Variants in ARHGEF37 observed in about 807,000 individuals in gnomAD.
ARHGEF37 encodes the protein Rho guanine nucleotide exchange factor (GEF) 37.
Under a neutral mutation model 71.1 loss-of-function variants are expected in ARHGEF37, and 55 were observed. The observed-to-expected ratio is 0.77, with a 90% confidence interval of 0.62 to 0.97. The LOEUF (loss-of-function observed/expected upper bound fraction) is 0.97. ARHGEF37 is among the 50% of genes least tolerant of loss of function. The probability of loss-of-function intolerance (pLI) is 0.00; values close to 1 mark genes in which losing one functional copy is unlikely to be tolerated. For synonymous variants in ARHGEF37, 327 were observed against 350.6 expected, an observed-to-expected ratio of 0.93 and a Z score of 0.75; for missense variants, 765 against 836.8, an observed-to-expected ratio of 0.91 and a Z score of 1.06.
chr5:149,585,319 T>A (rs1254978996), intron 1 of ARHGEF37, among the ~76,000 whole-genome samples: 3 of 152,206 alleles, frequency 2.0e-5, no homozygotes, highest in Non-Finnish European at 4.4e-5. Flanking sequence ...TCCAGCTTTA[T>A]TGTAATAGTG....
rs778497862 is a variant in ARHGEF37, at chr5:149,618,193, G to A, written c.676G>A (p.Val226Ile). ...CGTTGCAGCCTCCAAGTACACCAAG[G>A]TAGAGCAGCTGACCCTCCGGGAGCG... ...RKEVASKYTK[V>I]EQLTLRERLA... Residue 226 changes from valine (V) to isoleucine (I), a missense_variant, in exon 6 of 13, where the codon GTA becomes ATA. Around this residue, in one of 5 missense-constraint regions of ARHGEF37, gnomAD observed 167 missense variants for 173.3 expected, o/e 0.96. Coordinates refer to ENST00000333677, the MANE Select transcript of ARHGEF37 (RefSeq NM_001001669.3). 15 of 1,614,082 alleles carry A rather than the reference G, an allele frequency of 9.3e-6. 1 individual carries two copies. In the South Asian group the frequency reaches 1.5e-4, roughly 17 times the overall value.
chr5:149,561,527 G>A (rs1301394662), intron 1 of ARHGEF37, among the ~76,000 whole-genome samples: 1 of 152,178 alleles, frequency 6.6e-6, no homozygotes, highest in Non-Finnish European at 1.5e-5. Flanking sequence ...ACTCTGCAGT[G>A]TAATATATGC....
chr5:149,597,034 A>T (rs780101363), intron 1 of ARHGEF37, among the ~76,000 whole-genome samples: 1 of 152,044 alleles, frequency 6.6e-6, no homozygotes, highest in Non-Finnish European at 1.5e-5. Context: ...ATTAGGAAGG[A>T]TGACTCTGAG....
chr5:149,561,438 C>T (rs1762828981), intron 1 of ARHGEF37, among the ~76,000 whole-genome samples: 1 of 152,200 alleles, frequency 6.6e-6, no homozygotes, highest in South Asian at 2.1e-4. Context: ...GACTTTTACT[C>T]TTCAACGTAG....
intron 1 of ARHGEF37, among the ~76,000 whole-genome samples, chr5:149,562,173 T>A (rs1484511159): frequency 6.6e-6 from 1 of 151,758 alleles, no homozygotes; most frequent in Non-Finnish European, 1.5e-5. Flanking sequence ...AAAAAGACTT[T>A]CTGCAGTGAA....
chr5:149,588,129 C>T (rs141900035), intron 1 of ARHGEF37, among the ~76,000 whole-genome samples: 4,684 of 152,060 alleles, frequency 0.031, 134 homozygotes, highest in East Asian at 0.1. Context: ...GAACTCCTGA[C>T]CCCGTGATCT....
intron 1 of ARHGEF37, among the ~76,000 whole-genome samples, chr5:149,572,023 A>C (rs953994773): frequency 3.3e-5 from 5 of 152,078 alleles, no homozygotes; most frequent in African/African-American, 9.7e-5. Flanking sequence ...TGGAGGTCTT[A>C]CAATACCTGG....
At chr5:149,558,691 ATGTGTGTGTG>A (rs58959997) in intron 1 of ARHGEF37, among the ~76,000 whole-genome samples, 5,363 of 127,926 alleles carry the variant, frequency 0.042, 196 homozygotes, top group East Asian at 0.1. Flanking sequence ...CCATATATAT[ATGTGTGTGTG>A]TGTGTGTGTG....
At chr5:149,600,075 T>A (rs910780788) in intron 2 of ARHGEF37, among the ~76,000 whole-genome samples, 61 of 152,322 alleles carry the variant, frequency 4.0e-4, no homozygotes, top group Admixed American at 4.0e-3. Flanking sequence ...GACTGGATGG[T>A]ATGGCCTATT....
chr5:149,607,509 G>A (rs1370249213), intron 3 of ARHGEF37, among the ~76,000 whole-genome samples: 1 of 152,188 alleles, frequency 6.6e-6, no homozygotes, highest in African/African-American at 2.4e-5. Flanking sequence ...CTTATCATAT[G>A]TGTATTGTCT....
intron 1 of ARHGEF37, among the ~76,000 whole-genome samples, chr5:149,590,189 G>A (rs960202871): frequency 2.6e-4 from 22 of 83,210 alleles, no homozygotes; most frequent in African/African-American, 6.6e-4. Context: ...GTGAACAGAA[G>A]AGAAGAGAGA....
chr5:149,618,982 G>T lies in ARHGEF37; in HGVS notation c.834G>T (p.Trp278Cys). 6.2e-7 allele frequency: 1 copy of T among 1,614,142 alleles called. No individual in the cohort carries two copies. Among genetic ancestry groups the T allele is most frequent in the Non-Finnish European group, 8.5e-7 (1 of 1,180,032 alleles). The change falls in exon 7 of 13, where the codon TGG (tryptophan) becomes TGT (cysteine). Residue 278 changes from tryptophan (W) to cysteine (C), a missense_variant. Transcript: ENST00000333677. ...EFDDLEERFQWVSLCVTELKN... is the reference protein window; with the variant it reads ...EFDDLEERFQCVSLCVTELKN... ...ATGATTTAGAAGAGAGGTTCCAGTG[G>T]GTGTCTCTGTGTGTGACTGAGCTGA...
intron 1 of ARHGEF37, among the ~76,000 whole-genome samples, chr5:149,563,943 T>A (rs1762867238): frequency 6.6e-6 from 1 of 150,426 alleles, no homozygotes; most frequent in African/African-American, 2.5e-5. Context: ...ATAATTAGTT[T>A]AAATTTTTTT....
Position 149,622,511 on chromosome 5 carries a change from C to T in ARHGEF37, c.1335+449C>T, listed in dbSNP as rs901312762. Among the ~76,000 whole-genome samples the T allele has an allele frequency of 1.1e-4, 17 of 152,196 alleles. 1 individual carries two copies. The highest frequency in any genetic ancestry group is 3.4e-4 in the African/African-American group (14 of 41,454). ...GTACCTGTTTGGAGCACTCTCCATG[C>T]ATGATCTCATTCAATCCTCACAACA... On this transcript the variant is annotated intron_variant, in intron 9 of 12. Transcript: ENST00000333677.
intron 11 of ARHGEF37, among the ~76,000 whole-genome samples, chr5:149,628,048 G>C (rs1289481407): frequency 6.6e-6 from 1 of 152,190 alleles, no homozygotes; most frequent in Non-Finnish European, 1.5e-5. Flanking sequence ...AAAAAATTAA[G>C]AAAGCGGTAC....
At chr5:149,607,292 C>G (rs1763939733) in intron 3 of ARHGEF37, among the ~76,000 whole-genome samples, 1 of 152,254 alleles carries the variant, frequency 6.6e-6, no homozygotes, top group Non-Finnish European at 1.5e-5. Context: ...TGCCTTCTTG[C>G]TGTTGCCCTT....
intron 1 of ARHGEF37, among the ~76,000 whole-genome samples, chr5:149,563,689 T>C (rs1762864197): frequency 6.6e-6 from 1 of 152,196 alleles, no homozygotes; most frequent in Non-Finnish European, 1.5e-5. Context: ...AAATAGAAAC[T>C]TTACAATTAT....
chr5:149,607,606 C>T (rs1048191066), intron 3 of ARHGEF37, among the ~76,000 whole-genome samples: 13 of 151,904 alleles, frequency 8.6e-5, no homozygotes, highest in African/African-American at 2.7e-4. Context: ...GGGCTGAGTC[C>T]GAAAAAGGAG....
intron 1 of ARHGEF37, among the ~76,000 whole-genome samples, chr5:149,587,469 A>G (rs916218621): frequency 6.6e-6 from 1 of 152,226 alleles, no homozygotes; most frequent in African/African-American, 2.4e-5. Context: ...AGGAAATCTT[A>G]TAACAACCCT....
Sources: gnomAD v4.1 joint callset for allele counts (sites outside exome capture counted in the v4.1 genomes callset) on GRCh38, gnomAD v4.1.1 for gene constraint, gnomAD v4.1.1 regional missense constraint, MANE v1.5 for transcripts, NCBI Gene and HGNC (gene_info 2026-07-23, HGNC 2026-07-21) for gene names.